EEA1: variants seen among roughly 807,000 people sequenced by gnomAD.
EEA1 encodes early endosome antigen 1, 162kD.
Under a neutral mutation model 209.2 loss-of-function variants are expected in EEA1, and 111 were observed. That is an observed-to-expected ratio of 0.53 (90% CI 0.45 to 0.62). The LOEUF (loss-of-function observed/expected upper bound fraction) is 0.62, where lower values mean the gene tolerates loss of function less well. Ranked by LOEUF, EEA1 falls within the 20% of genes least tolerant of loss-of-function variation. The pLI is 0.00. For missense variants in EEA1, 1,343 were observed against 1,530.8 expected, an observed-to-expected ratio of 0.88 and a Z score of 2.05; for synonymous variants, 536 against 540.6, an observed-to-expected ratio of 0.99 and a Z score of 0.12.
intron 2 of EEA1, among the ~76,000 whole-genome samples, chr12:92,881,234 T>C (rs1003356637): frequency 6.6e-6 from 1 of 151,796 alleles, no homozygotes; most frequent in Non-Finnish European, 1.5e-5. Flanking sequence ...CAAGACCCCA[T>C]CTCTATGAAA....
rs768854162 is a variant in EEA1 at position 92,826,118 on chromosome 12, T to C, written c.1524+48A>G. 6 of 1,591,638 alleles carry C rather than the reference T, an allele frequency of 3.8e-6. No individual in the cohort carries two copies. The East Asian group carries it at 1.3e-4, about 36-fold the overall frequency. ...ATTTTTTCTCTTATATTCTATGTAA[T>C]GGTAATTAATTTGTGTTTACAAGGC... On this transcript the variant is annotated intron_variant, in intron 13 of 28. Transcript: ENST00000322349.
intron 2 of EEA1, among the ~76,000 whole-genome samples, chr12:92,875,969 T>C (rs1182471368): frequency 6.6e-6 from 1 of 152,326 alleles, no homozygotes; most frequent in African/African-American, 2.4e-5. Flanking sequence ...CAGAGAAGTC[T>C]TCCCTGATAA....
chr12:92,838,273 T>C (rs1435041584), intron 10 of EEA1, among the ~76,000 whole-genome samples: 1 of 152,220 alleles, frequency 6.6e-6, no homozygotes, highest in Non-Finnish European at 1.5e-5. Flanking sequence ...AGTATTTGAC[T>C]GTACATTTCA....
chr12:92,854,057 T>TA (rs1259284799), intron 5 of EEA1, 103 bp from the exon 6 acceptor site: 1 of 882,128 alleles, frequency 1.1e-6, no homozygotes, highest in Non-Finnish European at 1.7e-6. Flanking sequence ...TTCTTTCAGG[T>TA]AAGTAGTAAG....
chr12:92,867,874 G>C (rs1332680871), intron 2 of EEA1, among the ~76,000 whole-genome samples: 2 of 152,140 alleles, frequency 1.3e-5, no homozygotes, highest in African/African-American at 2.4e-5. Context: ...GTGAGAGAGA[G>C]AGAGAGACAC....
chr12:92,912,116 A>G (rs951758429), intron 1 of EEA1, among the ~76,000 whole-genome samples: 2 of 152,334 alleles, frequency 1.3e-5, no homozygotes, highest in East Asian at 1.9e-4. Context: ...CCCAAATGAC[A>G]TCATAAAATC....
chr12:92,912,499 C>T (rs1166853311), intron 1 of EEA1, among the ~76,000 whole-genome samples: 2 of 152,142 alleles, frequency 1.3e-5, no homozygotes, highest in African/African-American at 4.8e-5. Context: ...ACACATGTGG[C>T]CCAATGGATA....
intron 2 of EEA1, among the ~76,000 whole-genome samples, chr12:92,865,635 A>C (rs1348453155): frequency 6.6e-6 from 1 of 152,108 alleles, no homozygotes; most frequent in Non-Finnish European, 1.5e-5. Flanking sequence ...GATGCTGATA[A>C]AGATCCATGT....
At chr12:92,822,106 A>C (rs1422081386) in intron 13 of EEA1, among the ~76,000 whole-genome samples, 1 of 151,474 alleles carries the variant, frequency 6.6e-6, no homozygotes, top group East Asian at 1.9e-4. Context: ...GATGAGTTCC[A>C]TTTCACCCTC....
chr12:92,806,334 G>A (rs754757251), intron 18 of EEA1, among the ~76,000 whole-genome samples: 1 of 152,020 alleles, frequency 6.6e-6, no homozygotes, highest in Non-Finnish European at 1.5e-5. Flanking sequence ...GATCCTAACA[G>A]ACCTTAAAAG....
intron 2 of EEA1, among the ~76,000 whole-genome samples, chr12:92,885,903 C>T (rs552737988): frequency 3.3e-4 from 50 of 152,036 alleles, no homozygotes; most frequent in Non-Finnish European, 6.6e-4. Flanking sequence ...GCAAGAACAT[C>T]GACATAGCCC....
chr12:92,797,726 G>A (rs983554262), intron 21 of EEA1, among the ~76,000 whole-genome samples: 1 of 152,086 alleles, frequency 6.6e-6, no homozygotes, highest in Non-Finnish European at 1.5e-5. Context: ...ATAATTACAT[G>A]TTGACTTTTG....
rs193125559 is a variant in EEA1 at position 92,889,428 on chromosome 12, A to G, written c.117+2201T>C. 1.6e-3 allele frequency among the ~76,000 whole-genome samples: 248 copies of G among 152,158 alleles called. 2 individuals are homozygous for G. The South Asian group carries it at 0.026, about 16-fold the overall frequency. On this transcript the variant is annotated intron_variant, in intron 2 of 28. Coordinates refer to ENST00000322349, the MANE Select transcript of EEA1 (RefSeq NM_003566.4). ...AGAAACAGAAGAGCAGGACAAAGAG[A>G]AAGTACATAAAGAGTAATAAAAATA...
chr12:92,792,737 T>C (rs1231518102), intron 21 of EEA1, among the ~76,000 whole-genome samples: 2 of 152,192 alleles, frequency 1.3e-5, no homozygotes, highest in Non-Finnish European at 2.9e-5. Context: ...TTTGAAACTA[T>C]TCCAATCAAC....
intron 2 of EEA1, among the ~76,000 whole-genome samples, chr12:92,888,591 C>CAA (rs770317244): frequency 8.8e-6 from 1 of 113,058 alleles, no homozygotes. Context: ...AACAAACAAA[C>CAA]AAACAAAAAA....
intron 1 of EEA1, among the ~76,000 whole-genome samples, chr12:92,913,441 C>G (rs928304250): frequency 6.6e-6 from 1 of 152,064 alleles, no homozygotes. Flanking sequence ...AGTCCTTTGT[C>G]AGATGAATAG....
At chr12:92,841,257 T>C (rs904380071) in intron 10 of EEA1, among the ~76,000 whole-genome samples, 8 of 152,044 alleles carry the variant, frequency 5.3e-5, no homozygotes, top group African/African-American at 1.9e-4. Flanking sequence ...AAAATGGATA[T>C]CCATGTATAA....
chr12:92,822,198 C>T (rs1315980152), intron 13 of EEA1, among the ~76,000 whole-genome samples: 4 of 152,028 alleles, frequency 2.6e-5, no homozygotes, highest in Admixed American at 6.6e-5. Context: ...CTTAATAACT[C>T]CCTCCCTATG....
At chr12:92,860,724 T>C (rs1565839572) in intron 3 of EEA1, among the ~76,000 whole-genome samples, 1 of 152,078 alleles carries the variant, frequency 6.6e-6, no homozygotes, top group Non-Finnish European at 1.5e-5. Context: ...TTAGCTGGTG[T>C]GATACAGAGA....
Sources: allele counts gnomAD v4.1 joint callset (sites outside exome capture counted in the v4.1 genomes callset), GRCh38; gene constraint gnomAD v4.1.1; transcripts MANE v1.5; gene names NCBI Gene and HGNC (gene_info 2026-07-23, HGNC 2026-07-21).